Variants in KCNIP4 observed in about 807,000 individuals in gnomAD.
KCNIP4 encodes Kv channel-interacting protein 4.
KCNIP4 carries 12 observed loss-of-function variants against 34.0 expected under a neutral mutation model. The ratio of observed to expected loss-of-function variants is 0.35; its 90% CI spans 0.23 to 0.57. KCNIP4 has a LOEUF of 0.57. Among genes scored for constraint, KCNIP4 ranks in the 20% least tolerant of loss-of-function variants. The pLI, the probability that KCNIP4 is intolerant of heterozygous loss-of-function variation, is 0.83. For synonymous variants in KCNIP4, 124 were observed against 102.2 expected (o/e 1.21, Z -1.29); for missense variants, 238 against 311.7 (o/e 0.76, Z 1.78).
chr4:21,245,178 C>A (rs7659903), intron 1 of KCNIP4, among the ~76,000 whole-genome samples: 52 of 152,260 alleles, frequency 3.4e-4, no homozygotes, highest in African/African-American at 1.1e-3. Context: ...TAATGCCTAC[C>A]ACAGTAACTT....
At chr4:21,285,123 C>T (rs1231843562) in intron 1 of KCNIP4, among the ~76,000 whole-genome samples, 1 of 152,080 alleles carries the variant, frequency 6.6e-6, no homozygotes, top group Non-Finnish European at 1.5e-5. Flanking sequence ...AATATTAATG[C>T]AAACTAGGAT....
intron 1 of KCNIP4, among the ~76,000 whole-genome samples, chr4:21,336,267 T>C (rs998909822): frequency 1.3e-5 from 2 of 152,138 alleles, no homozygotes; most frequent in Admixed American, 6.6e-5. Flanking sequence ...TGATATCTAG[T>C]ATTTTGCTAC....
chr4:21,081,345 T>G (rs1437811587), intron 1 of KCNIP4, among the ~76,000 whole-genome samples: 5 of 151,794 alleles, frequency 3.3e-5, no homozygotes, highest in Non-Finnish European at 7.4e-5. Flanking sequence ...ATTAACATTC[T>G]TATTAGTGAT....
intron 1 of KCNIP4, among the ~76,000 whole-genome samples, chr4:21,022,044 G>T (rs2149749597): frequency 6.6e-6 from 1 of 152,180 alleles, no homozygotes; most frequent in African/African-American, 2.4e-5. Flanking sequence ...AAAACACTGA[G>T]TTATGATGTT....
chr4:21,578,327 C>T (rs887073155), intron 1 of KCNIP4, among the ~76,000 whole-genome samples: 26 of 76,868 alleles, frequency 3.4e-4, no homozygotes, highest in Admixed American at 6.6e-4. Context: ...AGCGAGACTC[C>T]GTCTCAAAAA....
At chr4:21,834,067 C>T (rs1180196188) in intron 1 of KCNIP4, among the ~76,000 whole-genome samples, 1 of 152,112 alleles carries the variant, frequency 6.6e-6, no homozygotes. Flanking sequence ...ATTGACTTGG[C>T]TATGTGGGCT....
intron 1 of KCNIP4, among the ~76,000 whole-genome samples, chr4:21,664,693 A>G (rs1748705015): frequency 6.6e-6 from 1 of 152,034 alleles, no homozygotes; most frequent in Non-Finnish European, 1.5e-5. Flanking sequence ...CTTCCCAGAT[A>G]TACACTCGAG....
intron 1 of KCNIP4, among the ~76,000 whole-genome samples, chr4:21,173,411 A>G (rs1282628673): frequency 6.6e-6 from 1 of 152,154 alleles, no homozygotes; most frequent in Non-Finnish European, 1.5e-5. Context: ...GTCTCCCCAC[A>G]CAAAGAAATA....
At chr4:21,334,620 G>T (rs1326844926) in intron 1 of KCNIP4, among the ~76,000 whole-genome samples, 1 of 151,992 alleles carries the variant, frequency 6.6e-6, no homozygotes, top group African/African-American at 2.4e-5. Context: ...TCTAACATCA[G>T]AATGTTTTCA....
intron 1 of KCNIP4, among the ~76,000 whole-genome samples, chr4:21,031,190 C>A (rs552628542): frequency 2.8e-4 from 43 of 152,328 alleles, no homozygotes; most frequent in African/African-American, 1.0e-3. Context: ...ACATGGCTTT[C>A]TGGAATTACT....
At chr4:21,396,843 G>C (rs1278771603) in intron 1 of KCNIP4, among the ~76,000 whole-genome samples, 1 of 152,188 alleles carries the variant, frequency 6.6e-6, no homozygotes, top group Non-Finnish European at 1.5e-5. Flanking sequence ...CTCTCTTAGA[G>C]ATTCCAGAAG....
chr4:21,140,821 C>G (rs1159725445), intron 1 of KCNIP4, among the ~76,000 whole-genome samples: 1 of 152,138 alleles, frequency 6.6e-6, no homozygotes, highest in African/African-American at 2.4e-5. Flanking sequence ...AAGTCCCTGT[C>G]CATCTGCTAT....
intron 1 of KCNIP4, among the ~76,000 whole-genome samples, chr4:20,974,154 GT>G (rs1735251410): frequency 6.6e-6 from 1 of 152,078 alleles, no homozygotes; most frequent in African/African-American, 2.4e-5. Context: ...AGAACACAAG[GT>G]ATCTGTGTTA....
intron 1 of KCNIP4, among the ~76,000 whole-genome samples, chr4:21,256,454 A>G (rs910310172): frequency 1.3e-5 from 2 of 151,638 alleles, no homozygotes; most frequent in African/African-American, 4.8e-5. Context: ...GACAAAGAAA[A>G]AGGCAGGCAT....
At chr4:21,459,692 C>T (rs1282736507) in intron 1 of KCNIP4, among the ~76,000 whole-genome samples, 1 of 152,046 alleles carries the variant, frequency 6.6e-6, no homozygotes, top group African/African-American at 2.4e-5. Flanking sequence ...TTACTCTCCC[C>T]CCATTTCAGG....
chr4:21,728,433 C>A (rs28513850), intron 1 of KCNIP4, among the ~76,000 whole-genome samples: 2,389 of 152,200 alleles, frequency 0.016, 67 homozygotes, highest in African/African-American at 0.055. Flanking sequence ...GCAGGCCAAG[C>A]TGCTGTGATT....
intron 1 of KCNIP4, among the ~76,000 whole-genome samples, chr4:21,831,438 CAAAT>C (rs753151758): frequency 3.4e-4 from 52 of 151,550 alleles, no homozygotes; most frequent in Non-Finnish European, 5.6e-4. Flanking sequence ...AAAGAGGACT[CAAAT>C]AAAATCAGAA....
intron 1 of KCNIP4, chr4:21,850,139 A>G (rs1300030782): frequency 6.6e-6 from 1 of 152,114 alleles, no homozygotes; most frequent in Non-Finnish European, 1.5e-5. Flanking sequence ...AAAAAAATTT[A>G]AGGACATTAT....
At chr4:21,542,358 C>G (rs1737778682) in intron 1 of KCNIP4, among the ~76,000 whole-genome samples, 1 of 151,798 alleles carries the variant, frequency 6.6e-6, no homozygotes, top group Admixed American at 6.6e-5. Flanking sequence ...TTTAAGGCTT[C>G]AAAAATATAT....
Sources: allele counts gnomAD v4.1 joint callset (sites outside exome capture counted in the v4.1 genomes callset), GRCh38; gene constraint gnomAD v4.1.1; transcripts MANE v1.5; gene names NCBI Gene and HGNC (gene_info 2026-07-23, HGNC 2026-07-21).